The following SNTB1 variants were observed in gnomAD, a reference collection of about 807,000 sequenced individuals.
The protein encoded by SNTB1 is beta-1-syntrophin.
SNTB1 carries 36 observed loss-of-function variants against 48.9 expected under a neutral mutation model. The observed-to-expected ratio is 0.74, with a 90% CI of 0.56 to 0.97. SNTB1 has a LOEUF of 0.97. Ranked by LOEUF, SNTB1 falls within the 50% of genes least tolerant of loss-of-function variation. The pLI is 0.00. For synonymous variants in SNTB1, 299 were observed against 294.6 expected (o/e 1.01, Z -0.15); for missense variants, 786 against 703.4 (o/e 1.12, Z -1.33).
chr8:120,705,130 T>A (rs1818361521), intron 1 of SNTB1, among the ~76,000 whole-genome samples: 1 of 152,234 alleles, frequency 6.6e-6, no homozygotes, highest in Non-Finnish European at 1.5e-5. Context: ...CAGGAAATAA[T>A]TAAACCATAC....
intron 2 of SNTB1, among the ~76,000 whole-genome samples, chr8:120,649,116 C>G (rs918684647): frequency 6.7e-6 from 1 of 149,960 alleles, no homozygotes. Context: ...GTTTGAATGT[C>G]CTCCTGTAGC....
At chr8:120,637,369 C>T (rs1191514457) in intron 2 of SNTB1, 3 of 231,904 alleles carry the variant, frequency 1.3e-5, no homozygotes, top group African/African-American at 4.7e-5. Flanking sequence ...TCAGAACATT[C>T]TTCGCTGTAA....
chr8:120,629,504 A>G (rs573834080), intron 3 of SNTB1, among the ~76,000 whole-genome samples: 1 of 152,350 alleles, frequency 6.6e-6, no homozygotes, highest in South Asian at 2.1e-4. Context: ...AGATATATAC[A>G]GGGTCACATT....
chr8:120,727,427 T>C (rs1281866626), intron 1 of SNTB1, among the ~76,000 whole-genome samples: 27 of 152,186 alleles, frequency 1.8e-4, no homozygotes, highest in Admixed American at 1.8e-3. Flanking sequence ...CAAGTCATCT[T>C]ATGTTTCTCT....
chr8:120,805,668 G>C (rs1341927284), intron 1 of SNTB1, among the ~76,000 whole-genome samples: 1 of 152,212 alleles, frequency 6.6e-6, no homozygotes, highest in African/African-American at 2.4e-5. Context: ...TGTAATAAAT[G>C]TGTGTTGTTT....
intron 1 of SNTB1, among the ~76,000 whole-genome samples, chr8:120,742,226 T>C (rs531295019): frequency 6.6e-6 from 1 of 152,358 alleles, no homozygotes; most frequent in Non-Finnish European, 1.5e-5. Context: ...GCCCCTGGCT[T>C]AAGTAAAACC....
At chr8:120,541,695 G>A in intron 6 of SNTB1, 115 bp downstream of exon 6, 1 of 622,156 alleles carries the variant, frequency 1.6e-6, no homozygotes, top group Non-Finnish European at 2.5e-6. Context: ...AATAAAACAT[G>A]GGCTTGCAAG....
intron 3 of SNTB1, among the ~76,000 whole-genome samples, chr8:120,604,223 A>C (rs971286168): frequency 4.6e-5 from 7 of 152,142 alleles, no homozygotes; most frequent in African/African-American, 1.7e-4. Context: ...TCTTCTTTTG[A>C]TATCCCCTTG....
chr8:120,776,598 AC>A (rs756576306), intron 1 of SNTB1: 2 of 152,166 alleles, frequency 1.3e-5, no homozygotes, highest in Non-Finnish European at 2.9e-5. Flanking sequence ...TTTGCAAATG[AC>A]CCTTATTTAC....
intron 2 of SNTB1, among the ~76,000 whole-genome samples, chr8:120,654,039 C>CAGAAAAAA (rs1817456079): frequency 4.0e-5 from 1 of 25,160 alleles, no homozygotes; most frequent in Non-Finnish European, 6.7e-5. Context: ...GACTCTGCCT[C>CAGAAAAAA]AAAAAAAAAA....
At chr8:120,790,170 T>C (rs1030007446) in intron 1 of SNTB1, among the ~76,000 whole-genome samples, 1 of 151,992 alleles carries the variant, frequency 6.6e-6, no homozygotes, top group African/African-American at 2.4e-5. Context: ...AGAAAAAGCA[T>C]TCAATAAAAT....
intron 2 of SNTB1, among the ~76,000 whole-genome samples, chr8:120,642,307 C>G (rs1817209463): frequency 6.6e-6 from 1 of 152,172 alleles, no homozygotes; most frequent in Non-Finnish European, 1.5e-5. Flanking sequence ...GGTTCTCAAC[C>G]AAAAGTATTC....
intron 3 of SNTB1, among the ~76,000 whole-genome samples, chr8:120,614,772 G>A (rs999853320): frequency 6.6e-6 from 1 of 151,868 alleles, no homozygotes; most frequent in African/African-American, 2.4e-5. Context: ...AATTTGAGAG[G>A]AGAGATAAGA....
chr8:120,687,736 A>G (rs1818057295), intron 2 of SNTB1, among the ~76,000 whole-genome samples: 1 of 152,144 alleles, frequency 6.6e-6, no homozygotes, highest in South Asian at 2.1e-4. Flanking sequence ...GCTCATATTC[A>G]CATTTGTCTT....
At chr8:120,664,998 T>C (rs1817650780) in intron 2 of SNTB1, among the ~76,000 whole-genome samples, 1 of 152,224 alleles carries the variant, frequency 6.6e-6, no homozygotes, top group African/African-American at 2.4e-5. Context: ...TCACTGTGGT[T>C]TTAATTTGCA....
intron 3 of SNTB1, among the ~76,000 whole-genome samples, chr8:120,603,812 C>A (rs1412798027): frequency 2.0e-5 from 3 of 152,150 alleles, no homozygotes; most frequent in African/African-American, 7.2e-5. Flanking sequence ...AGTTCATGAT[C>A]AATTCACTAA....
At chr8:120,711,101 T>A (rs570440189) in intron 1 of SNTB1, among the ~76,000 whole-genome samples, 275 of 152,268 alleles carry the variant, frequency 1.8e-3, no homozygotes, top group Non-Finnish European at 3.4e-3. Flanking sequence ...TGGTAGAACA[T>A]TGAAACCCAG....
intron 4 of SNTB1, among the ~76,000 whole-genome samples, chr8:120,566,329 CAAAAAAAAAAA>C (rs71306894): frequency 0.33 from 26,076 of 79,266 alleles, 2,845 homozygotes; most frequent in Middle Eastern, 0.51. Context: ...GACTCTGTCT[CAAAAAAAAAAA>C]AAAAAAAAAA....
At chr8:120,564,555 A>G (rs1815717423) in intron 4 of SNTB1, among the ~76,000 whole-genome samples, 1 of 114,386 alleles carries the variant, frequency 8.7e-6, no homozygotes, top group South Asian at 2.7e-4. Context: ...AATAGATACT[A>G]TTATTCTGGT....
Sources: allele counts gnomAD v4.1 joint callset (sites outside exome capture counted in the v4.1 genomes callset), GRCh38; gene constraint gnomAD v4.1.1; transcripts MANE v1.5; gene names NCBI Gene and HGNC (gene_info 2026-07-23, HGNC 2026-07-21).